Variants in ST3GAL4 observed in about 807,000 individuals in gnomAD.
The protein encoded by ST3GAL4 is ST3 beta-galactoside alpha-2,3-sialyltransferase 4.
Under a neutral mutation model 42.6 loss-of-function variants are expected in ST3GAL4, and 24 were observed. The observed-to-expected ratio is 0.56, with a 90% CI of 0.41 to 0.79. The LOEUF (loss-of-function observed/expected upper bound fraction) is 0.79. Among genes scored for constraint, ST3GAL4 ranks in the 30% least tolerant of loss-of-function variants. The pLI, the probability that ST3GAL4 is intolerant of heterozygous loss-of-function variation, is 0.00. For synonymous variants in ST3GAL4, 135 were observed against 163.2 expected, an observed-to-expected ratio of 0.83 and a Z score of 1.32; for missense variants, 311 against 430.8, an observed-to-expected ratio of 0.72 and a Z score of 2.46.
chr11:126,362,054 G>A (rs1029557985), intron 1 of ST3GAL4, among the ~76,000 whole-genome samples: 5 of 151,418 alleles, frequency 3.3e-5, no homozygotes, highest in Non-Finnish European at 5.9e-5. Context: ...GCTAATTTTT[G>A]TACTTTTAGT....
Position 126,403,797 on chromosome 11 carries a change from G to A in ST3GAL4, c.-60-2299G>A, listed in dbSNP as rs75210726. Among the ~76,000 whole-genome samples, 548 of 152,284 alleles carry A rather than the reference G, an allele frequency of 3.6e-3. 1 individual carries two copies. Among genetic ancestry groups the A allele is most frequent in the Non-Finnish European group, 6.5e-3 (440 of 68,020 alleles). On this transcript the variant is annotated intron_variant, in intron 1 of 10. Coordinates refer to ENST00000444328, the MANE Select transcript of ST3GAL4 (RefSeq NM_001254757.2). ...TCAAAAGAGTAGTTCTAGCCATGCA[G>A]CAGGCCCCATTAGGGAGCTGGTTAG...
In ST3GAL4 at chr11:126,359,322, A is replaced by C. The variant is rs974776093; in HGVS notation, c.-61+3480A>C. On this transcript the variant is annotated intron_variant, in intron 1 of 10. Transcript: ENST00000444328. This position sits in a 1 kb window ranked among gnomAD's most constrained non-coding sequence, Gnocchi z 4.8. ...TAAAAAAAAAAAAAAGATGTGCTAG[A>C]CACTTTACGTCCCTTCATGTGAGCT... is the stretch of plus-strand genomic sequence containing the variant. Among the ~76,000 whole-genome samples, 6 of 152,132 alleles carry C rather than the reference A, an allele frequency of 3.9e-5. No homozygotes were observed. The highest frequency in any genetic ancestry group is 8.8e-5 in the Non-Finnish European group (6 of 68,020).
chr11:126,369,260 G>C (rs556358425), intron 1 of ST3GAL4, among the ~76,000 whole-genome samples: 10 of 151,866 alleles, frequency 6.6e-5, no homozygotes, highest in Admixed American at 3.3e-4. Flanking sequence ...TTTTTTTGGG[G>C]GGGGGAGGCA....
At chr11:126,413,830 C>T (rs1027005323) in intron 10 of ST3GAL4, 131 bp from the exon 11 acceptor site, 1 of 1,399,836 alleles carries the variant, frequency 7.1e-7, no homozygotes, top group South Asian at 1.3e-5. Flanking sequence ...GCTTTGTCTT[C>T]CTTCCAAGAG....
At chr11:126,405,899 C>T in intron 1 of ST3GAL4, 197 bp from the exon 2 acceptor site, 1 of 669,810 alleles carries the variant, frequency 1.5e-6, no homozygotes, top group Non-Finnish European at 2.5e-6. Context: ...GCAGGGCTCA[C>T]CTGGATCCTT....
At chr11:126,377,571 A>G (rs139462176) in intron 1 of ST3GAL4, among the ~76,000 whole-genome samples, 3,912 of 142,258 alleles carry the variant, frequency 0.027, 76 homozygotes, top group Non-Finnish European at 0.041. Flanking sequence ...TGCAGCCTCT[A>G]CCTCCTGGGT....
At chr11:126,408,050 C>T in intron 6 of ST3GAL4, 49 bp from the exon 7 acceptor site, 1 of 1,590,582 alleles carries the variant, frequency 6.3e-7, no homozygotes. Context: ...GGGCAGCGAG[C>T]CTGGGTTAGA....
rs1301688591 is a variant in ST3GAL4, at chr11:126,383,216, G to C, written c.-60-22880G>C. Among the ~76,000 whole-genome samples the C allele has an allele frequency of 6.6e-6, 1 of 152,216 alleles. No homozygotes were observed. The highest frequency in any genetic ancestry group is 1.5e-5 in the Non-Finnish European group (1 of 68,020). On this transcript the variant is annotated intron_variant, in intron 1 of 10. Coordinates refer to ENST00000444328, the MANE Select transcript of ST3GAL4 (RefSeq NM_001254757.2). The surrounding 1 kb of genome is among the most constrained non-coding windows in gnomAD (Gnocchi z 4.5). Reference sequence around the variant, plus strand: ...CTCTCAGGTGCCAGAATCTTTCTGGGAGCTGAGCCTGGCTGGGCAGAGGGC... The same window carrying C: ...CTCTCAGGTGCCAGAATCTTTCTGGCAGCTGAGCCTGGCTGGGCAGAGGGC...
intron 1 of ST3GAL4, among the ~76,000 whole-genome samples, chr11:126,364,319 C>T (rs1170100669): frequency 2.0e-5 from 3 of 148,344 alleles, no homozygotes; most frequent in Admixed American, 6.7e-5. Context: ...ACACAGGGAC[C>T]GGGAGGAGAG....
chr11:126,408,579 C>A, intron 8 of ST3GAL4, 83 bp downstream of exon 8: 1 of 1,492,478 alleles, frequency 6.7e-7, no homozygotes, highest in Non-Finnish European at 9.1e-7. Context: ...TTGATGTCCG[C>A]CTGGCAGTCC....
intron 1 of ST3GAL4, chr11:126,358,542 C>CT: frequency 2.2e-6 from 1 of 447,700 alleles, no homozygotes; most frequent in Non-Finnish European, 4.5e-6. Context: ...ATTCTACAGA[C>CT]TGAGGAAGTG....
In ST3GAL4 at chr11:126,392,155, T is replaced by C. The variant is rs192899610; in HGVS notation, c.-60-13941T>C. 6.9e-3 allele frequency: 1,371 copies of C among 198,488 alleles called. 13 individuals are homozygous for C. The highest frequency in any genetic ancestry group is 9.8e-3 in the Non-Finnish European group (1,086 of 110,378). 12.3% of individuals were successfully genotyped at this position (198,488 alleles called of 1,614,324 possible). A position where few individuals can be genotyped will look rare whatever the true frequency, so the allele number is the denominator to read the frequency against. ...CGTACCCCTTTTCACTGGCTCCTCC[T>C]GGAGGCCACATGTACCTTGCGCTTC... On this transcript the variant is annotated intron_variant, in intron 1 of 10. Coordinates refer to ENST00000444328, the MANE Select transcript of ST3GAL4 (RefSeq NM_001254757.2). The surrounding 1 kb of genome is among the most constrained non-coding windows in gnomAD (Gnocchi z 5.8).
intron 1 of ST3GAL4, among the ~76,000 whole-genome samples, chr11:126,377,951 AT>A (rs1171306224): frequency 6.6e-6 from 1 of 152,306 alleles, no homozygotes; most frequent in South Asian, 2.1e-4. Context: ...ATATTAATTG[AT>A]TTTTTTCAAT....
chr11:126,407,157 A>C (rs1954274540), intron 4 of ST3GAL4, 95 bp from the exon 5 acceptor site: 12 of 1,492,752 alleles, frequency 8.0e-6, no homozygotes, highest in Non-Finnish European at 1.1e-5. Flanking sequence ...GGGAGGGAAG[A>C]GAAGGCCTTA....
chr11:126,379,013 C>A lies in ST3GAL4; in HGVS notation c.-61+23171C>A, dbSNP rs1255869985. 6.6e-6 allele frequency among the ~76,000 whole-genome samples: 1 copy of A among 152,202 alleles called. No homozygotes were observed. The highest frequency in any genetic ancestry group is 1.5e-5 in the Non-Finnish European group (1 of 68,048). ...ATAAGTTACCATTAATGACATCAAT[C>A]GTAGTTGTAGGCCATCCCTTTGCCT... On this transcript the variant is annotated intron_variant, in intron 1 of 10. Coordinates refer to ENST00000444328, the MANE Select transcript of ST3GAL4 (RefSeq NM_001254757.2). This position sits in a 1 kb window ranked among gnomAD's most constrained non-coding sequence, Gnocchi z 4.2.
intron 1 of ST3GAL4, chr11:126,375,074 G>A (rs1952783833): frequency 6.6e-6 from 1 of 152,356 alleles, no homozygotes; most frequent in Non-Finnish European, 1.5e-5. Flanking sequence ...AAGTTCGGCA[G>A]GGAAGCCAGA....
rs1952720394 is a variant in ST3GAL4 at position 126,373,241 on chromosome 11, C to T, written c.-61+17399C>T. Among the ~76,000 whole-genome samples, 1 of 152,154 alleles carries T rather than the reference C, an allele frequency of 6.6e-6. No homozygotes were observed. Among genetic ancestry groups the T allele is most frequent in the African/African-American group, 2.4e-5 (1 of 41,426 alleles). On this transcript the variant is annotated intron_variant, in intron 1 of 10. Coordinates refer to ENST00000444328, the MANE Select transcript of ST3GAL4 (RefSeq NM_001254757.2). This position sits in a 1 kb window ranked among gnomAD's most constrained non-coding sequence, Gnocchi z 5.5. ...TGGGTGCTGATTCTAGGAGGTACTGCATCTAGAAAGATGGGAGGTGGGGAG... is the reference window on the plus strand; with the variant it reads ...TGGGTGCTGATTCTAGGAGGTACTGTATCTAGAAAGATGGGAGGTGGGGAG...
intron 4 of ST3GAL4, 73 bp from the exon 5 acceptor site, chr11:126,407,179 A>G: frequency 6.4e-7 from 1 of 1,552,602 alleles, no homozygotes; most frequent in South Asian, 1.1e-5. Context: ...AATATTAGTC[A>G]TGGGCCTAAC....
chr11:126,370,905 C>G (rs1952616476), intron 1 of ST3GAL4, among the ~76,000 whole-genome samples: 1 of 152,038 alleles, frequency 6.6e-6, no homozygotes, highest in South Asian at 2.1e-4. Context: ...TGAACTCAAT[C>G]AATCTACCTG....
Sources: allele counts gnomAD v4.1 joint callset (sites outside exome capture counted in the v4.1 genomes callset), GRCh38; gene constraint gnomAD v4.1.1; non-coding constraint Gnocchi (gnomAD v3.1); transcripts MANE v1.5; gene names NCBI Gene and HGNC (gene_info 2026-07-23, HGNC 2026-07-21).